The following SLC5A4 variants were observed in gnomAD, a reference collection of about 807,000 sequenced individuals.
SLC5A4 encodes the protein solute carrier family 5 member 4, also known as probable glucose sensor protein SLC5A4.
SLC5A4 carries 55 observed loss-of-function variants against 70.3 expected under a neutral mutation model. That is an observed-to-expected ratio of 0.78 (90% confidence interval 0.63 to 0.98). SLC5A4 has a LOEUF of 0.98. Among genes scored for constraint, SLC5A4 ranks in the 50% least tolerant of loss-of-function variants. The pLI is 0.00. For synonymous variants in SLC5A4, 268 were observed against 305.7 expected, an observed-to-expected ratio of 0.88 and a Z score of 1.29; for missense variants, 735 against 839.2, an observed-to-expected ratio of 0.88 and a Z score of 1.53.
At chr22:32,325,118 C>G in the SLC5A4 span, among the ~76,000 whole-genome samples, 14 of 152,232 alleles carry the variant, frequency 9.2e-5, no homozygotes, top group East Asian at 2.3e-3. Flanking sequence ...AGGCCCAGGC[C>G]CACCAGTGCT....
chr22:32,311,395 G>A, the SLC5A4 span, among the ~76,000 whole-genome samples: 1 of 152,226 alleles, frequency 6.6e-6, no homozygotes, highest in Non-Finnish European at 1.5e-5. Flanking sequence ...GGGAGATTTG[G>A]TATCACTAAC....
chr22:32,348,987 G>GT, the SLC5A4 span, among the ~76,000 whole-genome samples: 1 of 152,108 alleles, frequency 6.6e-6, no homozygotes. Context: ...TGTTGTTGTT[G>GT]TTTTTTTAAG....
chr22:32,260,346 A>G (rs1927699639), upstream of SLC5A4, among the ~76,000 whole-genome samples: 1 of 152,128 alleles, frequency 6.6e-6, no homozygotes, highest in Non-Finnish European at 1.5e-5. Flanking sequence ...CAGCAGCAGC[A>G]GTCACTCCCC....
the SLC5A4 span, among the ~76,000 whole-genome samples, chr22:32,290,090 C>T: frequency 2.0e-5 from 3 of 150,330 alleles, no homozygotes; most frequent in African/African-American, 7.4e-5. Context: ...TTTCTTTTTA[C>T]TTTTATTTTA....
intron 7 of SLC5A4, among the ~76,000 whole-genome samples, chr22:32,236,385 T>C (rs892870499): frequency 2.0e-5 from 3 of 152,166 alleles, no homozygotes; most frequent in Admixed American, 6.5e-5. Context: ...TTGTGTATTA[T>C]CACAATGTAT....
At chr22:32,287,456 C>T in the SLC5A4 span, among the ~76,000 whole-genome samples, 3 of 131,690 alleles carry the variant, frequency 2.3e-5, no homozygotes, top group Non-Finnish European at 4.9e-5. Context: ...TTCATTCTCT[C>T]CGTTTAAAAG....
At chr22:32,229,580 T>C (rs1193866022) in intron 10 of SLC5A4, among the ~76,000 whole-genome samples, 2 of 152,142 alleles carry the variant, frequency 1.3e-5, no homozygotes, top group Admixed American at 6.5e-5. Flanking sequence ...ACTTGTGCCA[T>C]CTAAAAATCA....
chr22:32,310,442 G>A, the SLC5A4 span, among the ~76,000 whole-genome samples: 2 of 152,164 alleles, frequency 1.3e-5, no homozygotes, highest in Non-Finnish European at 2.9e-5. Context: ...CACTGCACGT[G>A]GGACACAGCT....
At chr22:32,285,629 G>C in the SLC5A4 span, among the ~76,000 whole-genome samples, 1 of 151,566 alleles carries the variant, frequency 6.6e-6, no homozygotes. Flanking sequence ...TGTTGAGAGT[G>C]TTGATATAAC....
chr22:32,336,396 T>C, the SLC5A4 span, among the ~76,000 whole-genome samples: 1 of 152,224 alleles, frequency 6.6e-6, no homozygotes, highest in African/African-American at 2.4e-5. Context: ...GTTTGCACAG[T>C]AGTTGCTGCG....
At chr22:32,340,078 T>C in the SLC5A4 span, among the ~76,000 whole-genome samples, 1 of 152,192 alleles carries the variant, frequency 6.6e-6, no homozygotes, top group Non-Finnish European at 1.5e-5. Flanking sequence ...GCTTTGGAGT[T>C]CACCAGACCT....
the SLC5A4 span, among the ~76,000 whole-genome samples, chr22:32,298,975 T>A: frequency 7.8e-6 from 1 of 127,688 alleles, no homozygotes; most frequent in African/African-American, 3.0e-5. Context: ...GAATGTTGAA[T>A]ATTGGCCCCC....
the SLC5A4 span, among the ~76,000 whole-genome samples, chr22:32,276,518 T>C: frequency 5.1e-3 from 779 of 152,342 alleles, 2 homozygotes; most frequent in Non-Finnish European, 7.8e-3. Context: ...AATAGCTCCA[T>C]TTGCATAAAA....
the SLC5A4 span, among the ~76,000 whole-genome samples, chr22:32,263,968 A>G: frequency 2.0e-5 from 3 of 152,178 alleles, no homozygotes; most frequent in Non-Finnish European, 4.4e-5. Flanking sequence ...CAAACACTGC[A>G]TGTTCTCGCT....
the SLC5A4 span, among the ~76,000 whole-genome samples, chr22:32,292,935 A>G: frequency 6.6e-6 from 1 of 152,142 alleles, no homozygotes; most frequent in Non-Finnish European, 1.5e-5. Context: ...TTTGCTATAC[A>G]TATTTTGAGG....
At chr22:32,269,693 G>T in the SLC5A4 span, 23 of 603,064 alleles carry the variant, frequency 3.8e-5, no homozygotes, top group South Asian at 3.4e-4. The surrounding 1 kb of genome is among the most constrained non-coding windows in gnomAD (Gnocchi z 4.1). Flanking sequence ...GCATTCCCCC[G>T]TACGGTGTGG....
chr22:32,236,102 G>C (rs1390583570), intron 7 of SLC5A4, among the ~76,000 whole-genome samples: 1 of 152,180 alleles, frequency 6.6e-6, no homozygotes, highest in Non-Finnish European at 1.5e-5. Flanking sequence ...AAGGCACCAT[G>C]AACAAGAACA....
At chr22:32,328,437 C>T in the SLC5A4 span, among the ~76,000 whole-genome samples, 1 of 152,148 alleles carries the variant, frequency 6.6e-6, no homozygotes, top group Non-Finnish European at 1.5e-5. Context: ...TTCCACTGGG[C>T]TTTGCACCTT....
Position 32,254,188 on chromosome 22 carries a change from G to C in SLC5A4, c.161C>G (p.Thr54Ser). The C allele has an allele frequency of 1.2e-6, 2 of 1,613,964 alleles. No homozygotes were observed. Among genetic ancestry groups the C allele is most frequent in the South Asian group, 2.2e-5 (2 of 91,078 alleles). Residue 54 changes from threonine to serine, a missense_variant, in exon 2 of 15, where the codon ACT (threonine) becomes AGT (serine). Coordinates refer to ENST00000266086, the MANE Select transcript of SLC5A4 (RefSeq NM_014227.3). Reference protein sequence around the residue: ...LWAMLKTNRGTIGGFFLAGRD... With the variant: ...LWAMLKTNRGSIGGFFLAGRD... ...ACCAGCGAGGAAGAAGCCTCCTATA[G>C]TACCTCGGTTGGTCTTCAGCATCGC...
Sources: gnomAD v4.1 joint callset for allele counts (sites outside exome capture counted in the v4.1 genomes callset) on GRCh38, gnomAD v4.1.1 for gene constraint, Gnocchi (gnomAD v3.1) non-coding constraint, MANE v1.5 for transcripts, NCBI Gene and HGNC (gene_info 2026-07-23, HGNC 2026-07-21) for gene names.